LRMDA: variants seen among roughly 807,000 people sequenced by gnomAD.
LRMDA encodes leucine rich melanocyte differentiation associated, also known as leucine-rich melanocyte differentiation-associated protein.
In LRMDA, 18 loss-of-function variants were observed where a neutral mutation model predicts 29.8. That is an observed-to-expected ratio of 0.60 (90% CI 0.42 to 0.90). The LOEUF (loss-of-function observed/expected upper bound fraction) is 0.90, where lower values mean the gene tolerates loss of function less well. LRMDA is among the 40% of genes least tolerant of loss of function. The pLI is 0.00. For missense variants in LRMDA, 273 were observed against 273.9 expected, an observed-to-expected ratio of 1.00 and a Z score of 0.02; for synonymous variants, 125 against 109.4, an observed-to-expected ratio of 1.14 and a Z score of -0.89.
chr10:76,024,882 T>C (rs1848034697), intron 2 of LRMDA, among the ~76,000 whole-genome samples: 1 of 152,254 alleles, frequency 6.6e-6, no homozygotes, highest in Non-Finnish European at 1.5e-5. Context: ...AGAGCAGCGT[T>C]CTTGGCCCAA....
chr10:75,462,435 C>T (rs199602148), intron 2 of LRMDA, among the ~76,000 whole-genome samples: 2 of 152,092 alleles, frequency 1.3e-5, no homozygotes, highest in East Asian at 1.9e-4. Flanking sequence ...CTGTCTTTGT[C>T]GGAATGAGAA....
intron 6 of LRMDA, among the ~76,000 whole-genome samples, chr10:76,357,746 A>G (rs985537731): frequency 6.6e-6 from 1 of 152,198 alleles, no homozygotes; most frequent in Admixed American, 6.5e-5. Context: ...CACAAAGCCA[A>G]GTGCCTAGAG....
chr10:75,907,996 C>T (rs951680377), intron 2 of LRMDA, among the ~76,000 whole-genome samples: 3 of 152,154 alleles, frequency 2.0e-5, no homozygotes, highest in Admixed American at 6.5e-5. Context: ...GCCTGTCATC[C>T]ATGGTGGTGA....
chr10:76,233,680 C>T (rs1852100156), intron 5 of LRMDA, among the ~76,000 whole-genome samples: 1 of 152,172 alleles, frequency 6.6e-6, no homozygotes, highest in Non-Finnish European at 1.5e-5. Flanking sequence ...TTCACAGCAT[C>T]TTCACCAGGA....
At chr10:75,600,700 A>G (rs1840873025) in intron 2 of LRMDA, among the ~76,000 whole-genome samples, 1 of 152,206 alleles carries the variant, frequency 6.6e-6, no homozygotes, top group Non-Finnish European at 1.5e-5. Context: ...ATGCCATGCC[A>G]TGCATGTGAC....
intron 5 of LRMDA, among the ~76,000 whole-genome samples, chr10:76,249,183 T>C: frequency 6.6e-6 from 1 of 152,212 alleles, no homozygotes; most frequent in East Asian, 1.9e-4. Context: ...CAGATATTAC[T>C]CCCCATTTTT....
At chr10:75,679,130 A>G (rs920885329) in intron 2 of LRMDA, among the ~76,000 whole-genome samples, 1 of 152,014 alleles carries the variant, frequency 6.6e-6, no homozygotes, top group Non-Finnish European at 1.5e-5. Flanking sequence ...ACCATTTGAA[A>G]CCTGTTTATT....
chr10:75,721,435 A>G (rs992135019), intron 2 of LRMDA, among the ~76,000 whole-genome samples: 3 of 152,250 alleles, frequency 2.0e-5, no homozygotes, highest in Admixed American at 2.0e-4. Flanking sequence ...AAGATTTACA[A>G]TAAGAATGTG....
At chr10:75,932,496 T>C (rs1177627564) in intron 2 of LRMDA, among the ~76,000 whole-genome samples, 2 of 152,104 alleles carry the variant, frequency 1.3e-5, no homozygotes, top group African/African-American at 2.4e-5. Flanking sequence ...ACCTGTGGTC[T>C]CTGTTACTTG....
chr10:75,788,726 T>C (rs1220439554), intron 2 of LRMDA, among the ~76,000 whole-genome samples: 1 of 152,248 alleles, frequency 6.6e-6, no homozygotes, highest in African/African-American at 2.4e-5. Context: ...CGAGGAAATG[T>C]AATTTTTAAC....
intron 5 of LRMDA, among the ~76,000 whole-genome samples, chr10:76,073,556 G>T (rs1350688719): frequency 6.6e-6 from 1 of 152,074 alleles, no homozygotes; most frequent in African/African-American, 2.4e-5. Flanking sequence ...GTATGTGCAG[G>T]GTATGTGTGT....
chr10:76,455,223 G>A (rs971937054), intron 6 of LRMDA, among the ~76,000 whole-genome samples: 1 of 152,184 alleles, frequency 6.6e-6, no homozygotes, highest in Admixed American at 6.5e-5. Flanking sequence ...GTGTGGGATG[G>A]TGTTAAAGGA....
intron 5 of LRMDA, among the ~76,000 whole-genome samples, chr10:76,222,837 T>C (rs1432006138): frequency 6.6e-6 from 1 of 152,112 alleles, no homozygotes; most frequent in African/African-American, 2.4e-5. Flanking sequence ...TGCGGCACTA[T>C]TCACAATAGC....
intron 2 of LRMDA, among the ~76,000 whole-genome samples, chr10:76,012,209 TTCCTC>T (rs1258469194): frequency 2.0e-5 from 3 of 152,274 alleles, no homozygotes; most frequent in African/African-American, 7.2e-5. Flanking sequence ...CTGCACTGGG[TTCCTC>T]TCCTCGATGG....
intron 5 of LRMDA, among the ~76,000 whole-genome samples, chr10:76,139,584 G>A (rs1850162013): frequency 6.6e-6 from 1 of 152,136 alleles, no homozygotes; most frequent in Non-Finnish European, 1.5e-5. Flanking sequence ...TGATATATGT[G>A]AAGCTCTTGT....
At chr10:75,498,270 CA>C (rs1469439989) in intron 2 of LRMDA, among the ~76,000 whole-genome samples, 3 of 152,202 alleles carry the variant, frequency 2.0e-5, no homozygotes, top group Non-Finnish European at 4.4e-5. Context: ...AAACTTTCTG[CA>C]GCTTTTTTTT....
At chr10:76,065,073 A>G (rs2132061925) in intron 5 of LRMDA, among the ~76,000 whole-genome samples, 1 of 152,290 alleles carries the variant, frequency 6.6e-6, no homozygotes, top group Non-Finnish European at 1.5e-5. Context: ...GTGTTCAAAA[A>G]CAACTCTGGG....
chr10:76,404,538 A>G (rs367867979), intron 6 of LRMDA, among the ~76,000 whole-genome samples: 204 of 152,192 alleles, frequency 1.3e-3, no homozygotes, highest in Non-Finnish European at 2.5e-3. Flanking sequence ...TCATTCCACT[A>G]TAGCCACACT....
chr10:75,603,578 TTTAA>T (rs1840916035), intron 2 of LRMDA, among the ~76,000 whole-genome samples: 2 of 152,224 alleles, frequency 1.3e-5, no homozygotes, highest in African/African-American at 4.8e-5. Flanking sequence ...TTCCCAATAT[TTTAA>T]GGAGAAAGAT....
Sources: gnomAD v4.1 joint callset for allele counts (sites outside exome capture counted in the v4.1 genomes callset) on GRCh38, gnomAD v4.1.1 for gene constraint, MANE v1.5 for transcripts, NCBI Gene and HGNC (gene_info 2026-07-23, HGNC 2026-07-21) for gene names.